The following ATP5MC3 variants were observed in gnomAD, a reference collection of about 807,000 sequenced individuals.
ATP5MC3 encodes ATP synthase membrane subunit c locus 3.
In ATP5MC3, 6 loss-of-function variants were observed where a neutral mutation model predicts 15.6. The observed-to-expected ratio is 0.38, with a 90% CI of 0.21 to 0.76. The LOEUF is 0.76. Among genes scored for constraint, ATP5MC3 ranks in the 30% least tolerant of loss-of-function variants. The probability of loss-of-function intolerance (pLI) is 0.44; values close to 1 mark genes in which losing one functional copy is unlikely to be tolerated. For missense variants in ATP5MC3, 132 were observed against 171.2 expected (o/e 0.77, Z 1.28); for synonymous variants, 66 against 63.3 (o/e 1.04, Z -0.20).
Position 175,181,394 on chromosome 2 carries a change from CT to C in ATP5MC3, c.-2del. ...AGGCGAGCTTGGCGCAGGCGAACAT[CT>C]TACACTCTTCGGGACTGCGCGGCTG... On this transcript the variant is annotated 5_prime_UTR_variant, in exon 2 of 5. Transcript: ENST00000284727. 6.2e-7 allele frequency: 1 copy of C among 1,613,854 alleles called. No homozygotes were observed. Among genetic ancestry groups the C allele is most frequent in the South Asian group, 1.1e-5 (1 of 90,962 alleles).
intron 2 of ATP5MC3, 125 bp from the exon 3 acceptor site, chr2:175,180,303 T>C (rs1434453268): frequency 4.9e-6 from 3 of 612,754 alleles, no homozygotes; most frequent in South Asian, 6.3e-5. Flanking sequence ...AACTTCTGAA[T>C]TGACTCTTTG....
intron 3 of ATP5MC3, among the ~76,000 whole-genome samples, chr2:175,179,464 T>A (rs1384218632): frequency 6.6e-6 from 1 of 152,150 alleles, no homozygotes; most frequent in Non-Finnish European, 1.5e-5. Context: ...ACAACATATA[T>A]AAATATGCTT....
chr2:175,179,686 G>A (rs113256875), intron 3 of ATP5MC3: 185 of 208,156 alleles, frequency 8.9e-4, no homozygotes, highest in African/African-American at 4.3e-3. Flanking sequence ...TAAATGTTTT[G>A]TAGAAACAGG....
chr2:175,179,277 G>T (rs1700734737), intron 3 of ATP5MC3, 27 bp from the exon 4 acceptor site: 1 of 1,575,320 alleles, frequency 6.3e-7, no homozygotes, highest in Admixed American at 1.8e-5. Flanking sequence ...AAAGGTAAAG[G>T]TCGTATCAGT....
Position 175,181,690 on chromosome 2 carries a change from A to G in ATP5MC3, c.-108T>C, listed in dbSNP as rs376891490. ...AGGCGGCGGCGGCACGGGCTGCGGCAGAGGTCGAAGGAGTGGGACTCAATG... is the reference window on the plus strand; with the variant it reads ...AGGCGGCGGCGGCACGGGCTGCGGCGGAGGTCGAAGGAGTGGGACTCAATG... On this transcript the variant is annotated 5_prime_UTR_variant, in exon 1 of 5. Coordinates refer to ENST00000284727, the MANE Select transcript of ATP5MC3 (RefSeq NM_001689.5). 1 of 444,724 alleles carries G rather than the reference A, an allele frequency of 2.2e-6. No individual in the cohort carries two copies. Among genetic ancestry groups the G allele is most frequent in the African/African-American group, 2.0e-5 (1 of 49,030 alleles). 27.5% of individuals were successfully genotyped at this position (444,724 alleles called of 1,614,324 possible).
At position 175,178,064 on chromosome 2, in the gene ATP5MC3, G is replaced by T; in HGVS notation, c.*224C>A. 1.4e-6 allele frequency: 1 copy of T among 721,668 alleles called. No individual in the cohort carries two copies. Among genetic ancestry groups the T allele is most frequent in the Non-Finnish European group, 1.9e-6 (1 of 515,854 alleles). 44.7% of individuals were successfully genotyped at this position (721,668 alleles called of 1,614,324 possible). The stretch of plus-strand genomic sequence containing the variant: ...TGGAGCAACTGCTGTAGCTTCCTCT[G>T]AATGGGACAGCATCTGCCTGAATGC... On this transcript the variant is annotated 3_prime_UTR_variant, in exon 5 of 5. Coordinates refer to ENST00000284727, the MANE Select transcript of ATP5MC3 (RefSeq NM_001689.5).
intron 3 of ATP5MC3, 95 bp downstream of exon 3, chr2:175,180,003 C>T: frequency 9.1e-7 from 1 of 1,095,846 alleles, no homozygotes; most frequent in Non-Finnish European, 1.3e-6. Context: ...GACTTGCCCT[C>T]AAACTCTTAT....
chr2:175,181,679 CG>C lies in ATP5MC3; in HGVS notation c.-98del. ...ACCTTCCCAGGAGGCGGCGGCGGCA[CG>C]GGCTGCGGCAGAGGTCGAAGGAGTG... On this transcript the variant is annotated 5_prime_UTR_variant, in exon 1 of 5. Transcript: ENST00000284727. 2.1e-6 allele frequency: 1 copy of C among 476,508 alleles called. No individual in the cohort carries two copies. Among genetic ancestry groups the C allele is most frequent in the Non-Finnish European group, 3.7e-6 (1 of 269,666 alleles). The allele number at this position is 476,508 out of a possible 1,614,324, so 29.5% of individuals were successfully genotyped here.
In ATP5MC3 at chr2:175,179,246, G is replaced by C; in HGVS notation, c.125C>G (p.Ser42Cys). ...ATTCTGGGCCCCATTAAATACCGTA[G>C]AGCCCTGGAAAACAGAAAATAAAGG... Reference protein sequence around the residue: ...RPEASRTGEGSTVFNGAQNGV... With the variant: ...RPEASRTGEGCTVFNGAQNGV... Residue 42 changes from serine (S) to cysteine (C), a missense_variant, in exon 4 of 5, where the codon TCT becomes TGT. Ser to Cys is a moderately radical substitution (Grantham distance 112, BLOSUM62 -1). This residue lies in a region of ATP5MC3 where 90 missense variants were observed against 86.2 expected (regional missense o/e 1.04). Transcript: ENST00000284727. 6.2e-7 allele frequency: 1 copy of C among 1,607,314 alleles called. No homozygotes were observed. The highest frequency in any genetic ancestry group is 8.5e-7 in the Non-Finnish European group (1 of 1,174,610).
rs1220074475 is a variant in ATP5MC3 at position 175,181,656 on chromosome 2, C to T, written c.-74G>A. 4.1e-6 allele frequency: 2 copies of T among 491,046 alleles called. No homozygotes were observed. The highest frequency in any genetic ancestry group is 7.2e-6 in the Non-Finnish European group (2 of 279,044). 30.4% of individuals were successfully genotyped at this position (491,046 alleles called of 1,614,324 possible). On this transcript the variant is annotated splice_region_variant and 5_prime_UTR_variant, in exon 1 of 5. Coordinates refer to ENST00000284727, the MANE Select transcript of ATP5MC3 (RefSeq NM_001689.5). ...CGGGCTCCCTGTGCCCTCCACTTAC[C>T]TTCCCAGGAGGCGGCGGCGGCACGG... is the stretch of plus-strand genomic sequence containing the variant.
rs920164347 is a variant in ATP5MC3 at position 175,176,782 on chromosome 2, T to A, written c.*1506A>T. 2.2e-4 allele frequency: 34 copies of A among 152,222 alleles called. No homozygotes were observed. Among genetic ancestry groups the A allele is most frequent in the Admixed American group, 6.5e-5 (1 of 15,290 alleles). 9.4% of individuals were successfully genotyped at this position (152,222 alleles called of 1,614,324 possible). Reference sequence around the variant, plus strand: ...TCCACTTAGCATGCTTTCTTAGGGTTCACTCACATCTATTCATTATGTATC... The same window carrying A: ...TCCACTTAGCATGCTTTCTTAGGGTACACTCACATCTATTCATTATGTATC... On this transcript the variant is annotated 3_prime_UTR_variant, in exon 5 of 5. Coordinates refer to ENST00000284727, the MANE Select transcript of ATP5MC3 (RefSeq NM_001689.5).
rs144490355 is a variant in ATP5MC3, at chr2:175,180,135, G to A, written c.83C>T (p.Ser28Leu). Residue 28 changes from serine to leucine, a missense_variant, in exon 3 of 5, where the codon TCA becomes TTA. Around this residue, in one of 2 missense-constraint regions of ATP5MC3, gnomAD observed 90 missense variants for 86.2 expected, o/e 1.04. Coordinates refer to ENST00000284727, the MANE Select transcript of ATP5MC3 (RefSeq NM_001689.5). ...SRVAYRPISA[S>L]VLSRPEASRT... ...ACTAGCCTCTGGTCGAGATAACACT[G>A]ATGCAGAAATTGGTCTGTATGCAAC... The A allele has an allele frequency of 9.8e-5, 157 of 1,599,678 alleles. No individual in the cohort carries two copies. Among genetic ancestry groups the A allele is most frequent in the Non-Finnish European group, 1.3e-4 (150 of 1,176,844 alleles).
chr2:175,181,470 C>A lies in ATP5MC3; in HGVS notation c.-73-4G>T. ...GGGCTCCTCTCCCGCTTCCTCTCTG[C>A]GGAGGAAAAGAGGCTTAAGGTCAAG... On this transcript the variant is annotated splice_region_variant and splice_polypyrimidine_tract_variant and intron_variant, in intron 1 of 4. Coordinates refer to ENST00000284727, the MANE Select transcript of ATP5MC3 (RefSeq NM_001689.5). 1 of 1,572,350 alleles carries A rather than the reference C, an allele frequency of 6.4e-7. No homozygotes were observed. The highest frequency in any genetic ancestry group is 1.1e-5 in the South Asian group (1 of 87,300).
At chr2:175,179,359 G>GT in intron 3 of ATP5MC3, 109 bp from the exon 4 acceptor site, 1 of 1,342,586 alleles carries the variant, frequency 7.4e-7, no homozygotes, top group Non-Finnish European at 9.8e-7. Flanking sequence ...TTGTAGCTGA[G>GT]TGTAAAGAGA....
chr2:175,181,273 A>G, intron 2 of ATP5MC3, 82 bp downstream of exon 2: 1 of 1,516,586 alleles, frequency 6.6e-7, no homozygotes, highest in East Asian at 2.4e-5. Flanking sequence ...CCCCGCCCGA[A>G]GGTTGCCCCA....
chr2:175,180,148 G>C lies in ATP5MC3; in HGVS notation c.70C>G (p.Pro24Ala). The change falls in exon 3 of 5, where the codon CCA (proline) becomes GCA (alanine). Residue 24 changes from proline to alanine, a missense_variant. This residue lies in a region of ATP5MC3 where 90 missense variants were observed against 86.2 expected (regional missense o/e 1.04). Coordinates refer to ENST00000284727, the MANE Select transcript of ATP5MC3 (RefSeq NM_001689.5). ...IRAGSRVAYR[P>A]ISASVLSRPE... ...CGAGATAACACTGATGCAGAAATTG[G>C]TCTGTATGCAACTCTGGATCCAGCT... The C allele has an allele frequency of 6.3e-7, 1 of 1,598,720 alleles. No individual in the cohort carries two copies. Among genetic ancestry groups the C allele is most frequent in the Admixed American group, 1.8e-5 (1 of 55,208 alleles).
At chr2:175,180,073 T>C in intron 3 of ATP5MC3, 25 bp downstream of exon 3, 1 of 1,544,230 alleles carries the variant, frequency 6.5e-7, no homozygotes, top group Non-Finnish European at 8.8e-7. Flanking sequence ...TAGTGTTACC[T>C]AATTTCAATT....
Position 175,181,683 on chromosome 2 carries a change from C to T in ATP5MC3, c.-101G>A, listed in dbSNP as rs574716469. Reference sequence around the variant, plus strand: ...TCCCAGGAGGCGGCGGCGGCACGGGCTGCGGCAGAGGTCGAAGGAGTGGGA... The same window carrying T: ...TCCCAGGAGGCGGCGGCGGCACGGGTTGCGGCAGAGGTCGAAGGAGTGGGA... On this transcript the variant is annotated 5_prime_UTR_variant, in exon 1 of 5. Coordinates refer to ENST00000284727, the MANE Select transcript of ATP5MC3 (RefSeq NM_001689.5). 466 of 478,414 alleles carry T rather than the reference C, an allele frequency of 9.7e-4. 1 individual carries two copies. Among genetic ancestry groups the T allele is most frequent in the East Asian group, 1.6e-3 (45 of 27,858 alleles). The allele number at this position is 478,414 out of a possible 1,614,324, so 29.6% of individuals were successfully genotyped here. A position where few individuals can be genotyped will look rare whatever the true frequency, so the allele number is the denominator to read the frequency against.
chr2:175,180,953 C>T (rs770178138), intron 2 of ATP5MC3, among the ~76,000 whole-genome samples: 42 of 152,342 alleles, frequency 2.8e-4, no homozygotes, highest in Admixed American at 5.2e-4. Context: ...ACGAGTTTGA[C>T]CTACAGACAG....
Sources: allele counts gnomAD v4.1 joint callset (sites outside exome capture counted in the v4.1 genomes callset), GRCh38; gene constraint gnomAD v4.1.1; regional missense constraint gnomAD v4.1.1; transcripts MANE v1.5; gene names NCBI Gene and HGNC (gene_info 2026-07-23, HGNC 2026-07-21).